The following PLCB1 variants were observed in gnomAD, a reference collection of about 807,000 sequenced individuals.
The protein encoded by PLCB1 is phospholipase C beta 1.
PLCB1 carries 46 observed loss-of-function variants against 161.8 expected under a neutral mutation model. The ratio of observed to expected loss-of-function variants is 0.28; its 90% CI spans 0.22 to 0.36. The LOEUF is 0.36. Ranked by LOEUF, PLCB1 falls within the 10% of genes least tolerant of loss-of-function variation. The probability of loss-of-function intolerance (pLI) is 1.00; values close to 1 mark genes in which losing one functional copy is unlikely to be tolerated. For synonymous variants in PLCB1, 517 were observed against 503.7 expected, an observed-to-expected ratio of 1.03 and a Z score of -0.35; for missense variants, 1,016 against 1,472.5, an observed-to-expected ratio of 0.69 and a Z score of 5.07.
intron 31 of PLCB1, among the ~76,000 whole-genome samples, chr20:8,813,638 T>C (rs188653104): frequency 6.6e-6 from 1 of 152,188 alleles, no homozygotes; most frequent in East Asian, 1.9e-4. Context: ...GAAATCAGCC[T>C]GGGCAAGATA....
At chr20:8,710,191 T>C (rs201577470) in intron 12 of PLCB1, among the ~76,000 whole-genome samples, 2 of 148,416 alleles carry the variant, frequency 1.3e-5, no homozygotes, top group South Asian at 4.3e-4. Flanking sequence ...GAGAGCTTTT[T>C]ACTCACGGGA....
At chr20:8,689,379 T>C (rs1440439439) in intron 10 of PLCB1, among the ~76,000 whole-genome samples, 1 of 152,152 alleles carries the variant, frequency 6.6e-6, no homozygotes, top group African/African-American at 2.4e-5. Context: ...TCCAGTACTA[T>C]GATGAAGAAG....
At chr20:8,387,159 T>C (rs915605362) in intron 3 of PLCB1, among the ~76,000 whole-genome samples, 5 of 152,244 alleles carry the variant, frequency 3.3e-5, no homozygotes, top group African/African-American at 1.2e-4. Flanking sequence ...CATTCACAAC[T>C]GGGCGGCTGA....
intron 1 of PLCB1, 89 bp from the exon 2 acceptor site, chr20:8,150,205 C>T (rs553848279): frequency 4.6e-4 from 240 of 526,060 alleles, no homozygotes; most frequent in African/African-American, 4.3e-3. Context: ...TTTGGAGAAT[C>T]TGTACAATTA....
intron 9 of PLCB1, among the ~76,000 whole-genome samples, chr20:8,680,120 T>C (rs910365786): frequency 2.6e-5 from 4 of 152,196 alleles, no homozygotes; most frequent in Non-Finnish European, 5.9e-5. Flanking sequence ...ATGTGTTTTG[T>C]TATCTTAATT....
chr20:8,874,497 G>A (rs1005164007), intron 31 of PLCB1, among the ~76,000 whole-genome samples: 2 of 151,780 alleles, frequency 1.3e-5, no homozygotes, highest in Non-Finnish European at 2.9e-5. Context: ...TTATTGACAG[G>A]TCATAATATT....
intron 9 of PLCB1, among the ~76,000 whole-genome samples, chr20:8,667,134 T>C (rs1600237376): frequency 6.6e-6 from 1 of 152,182 alleles, no homozygotes; most frequent in East Asian, 1.9e-4. Flanking sequence ...AGATCAATTT[T>C]CTCCCAAAAG....
At chr20:8,278,266 ATATAT>A (rs1440342316) in intron 2 of PLCB1, among the ~76,000 whole-genome samples, 5 of 143,730 alleles carry the variant, frequency 3.5e-5, no homozygotes, top group South Asian at 2.1e-4. Context: ...ATATATATAA[ATATAT>A]TATATAAATA....
intron 3 of PLCB1, among the ~76,000 whole-genome samples, chr20:8,600,091 C>G (rs1218642039): frequency 8.1e-6 from 1 of 123,980 alleles, no homozygotes; most frequent in Non-Finnish European, 1.7e-5. Flanking sequence ...AAGCCTTCTT[C>G]TCTCAGCTCG....
At chr20:8,806,659 A>G (rs941626354) in intron 31 of PLCB1, among the ~76,000 whole-genome samples, 2 of 152,134 alleles carry the variant, frequency 1.3e-5, no homozygotes, top group Non-Finnish European at 2.9e-5. Context: ...TCTGTACTAT[A>G]CAAGAGAGGA....
rs775742325 is a variant in PLCB1 at position 8,371,404 on chromosome 20, G to A, written c.200G>A (p.Ser67Asn). Reference sequence around the variant, plus strand: ...CAGGAGACAGAGCTACTGGATCTCAGCCTTGTCAAAGATGCCAGATGTGGG... The same window carrying A: ...CAGGAGACAGAGCTACTGGATCTCAACCTTGTCAAAGATGCCAGATGTGGG... ...QNKETELLDL[S>N]LVKDARCGRH... is the part of the protein sequence containing the mutation. Residue 67 changes from serine (S) to asparagine (N), a missense_variant, in exon 3 of 32, where the codon AGC becomes AAC. Ser to Asn is a conservative substitution (Grantham distance 46, BLOSUM62 1). Coordinates refer to ENST00000338037, the MANE Select transcript of PLCB1 (RefSeq NM_015192.4). 3.1e-6 allele frequency: 5 copies of A among 1,613,650 alleles called. No individual in the cohort carries two copies. The highest frequency in any genetic ancestry group is 4.2e-6 in the Non-Finnish European group (5 of 1,179,804).
chr20:8,737,623 T>C (rs1253682270), intron 20 of PLCB1, among the ~76,000 whole-genome samples: 1 of 152,190 alleles, frequency 6.6e-6, no homozygotes, highest in African/African-American at 2.4e-5. Flanking sequence ...GGTCATTCAA[T>C]CTTGTCTGGG....
chr20:8,747,698 GA>G (rs747882054), intron 23 of PLCB1, among the ~76,000 whole-genome samples: 1 of 152,122 alleles, frequency 6.6e-6, no homozygotes, highest in Non-Finnish European at 1.5e-5. Flanking sequence ...CCTGAGTCTA[GA>G]AGGCAGAGGC....
chr20:8,459,235 G>A (rs1335653791), intron 3 of PLCB1, among the ~76,000 whole-genome samples: 1 of 152,192 alleles, frequency 6.6e-6, no homozygotes, highest in African/African-American at 2.4e-5. Flanking sequence ...TTTGTCGTTA[G>A]ACATTTGCAT....
At chr20:8,774,480 C>A in intron 26 of PLCB1, 59 bp from the exon 27 acceptor site, 1 of 1,443,420 alleles carries the variant, frequency 6.9e-7, no homozygotes. Flanking sequence ...GGTGAATAAC[C>A]TTCCCTCCAC....
rs114023665 is a variant in PLCB1, at chr20:8,875,887, T to A, written c.3424-5735T>A. On this transcript the variant is annotated intron_variant, in intron 31 of 31. Transcript: ENST00000338037. ...AGCTAACCTTCAAGAGTAACTTTGC[T>A]TGCTCCTTGGCCTTCACTTATTTTT... Among the ~76,000 whole-genome samples, 212 of 139,544 alleles carry A rather than the reference T, an allele frequency of 1.5e-3. 1 individual carries two copies. Among genetic ancestry groups the A allele is most frequent in the African/African-American group, 6.0e-3 (202 of 33,930 alleles). 91.5% of individuals were successfully genotyped at this position (139,544 alleles called of 152,430 possible).
intron 27 of PLCB1, among the ~76,000 whole-genome samples, chr20:8,781,839 C>T (rs980017559): frequency 3.3e-5 from 5 of 152,116 alleles, no homozygotes; most frequent in Non-Finnish European, 5.9e-5. Context: ...GAGACTTATT[C>T]GCTATCACAA....
At chr20:8,403,058 T>G (rs955299506) in intron 3 of PLCB1, among the ~76,000 whole-genome samples, 19 of 152,172 alleles carry the variant, frequency 1.2e-4, no homozygotes, top group Non-Finnish European at 2.6e-4. Flanking sequence ...ATGATATCAT[T>G]TTATTAGATT....
chr20:8,707,700 T>C (rs1372847768), intron 11 of PLCB1, among the ~76,000 whole-genome samples: 1 of 152,194 alleles, frequency 6.6e-6, no homozygotes, highest in Non-Finnish European at 1.5e-5. Flanking sequence ...GAAGCTGTTC[T>C]CTGTAGAATT....
Sources: allele counts gnomAD v4.1 joint callset (sites outside exome capture counted in the v4.1 genomes callset), GRCh38; gene constraint gnomAD v4.1.1; transcripts MANE v1.5; gene names NCBI Gene and HGNC (gene_info 2026-07-23, HGNC 2026-07-21).